Variants in SLC5A12 observed in about 807,000 individuals in gnomAD.
The protein encoded by SLC5A12 is solute carrier family 5 member 12, also known as sodium-coupled monocarboxylate transporter 2.
A neutral mutation model predicts 72.7 loss-of-function variants in SLC5A12; 46 were observed. The observed-to-expected ratio is 0.63, with a 90% confidence interval of 0.50 to 0.81. The LOEUF is 0.81. Ranked by LOEUF, SLC5A12 falls within the 30% of genes least tolerant of loss-of-function variation. The pLI is 0.00. For missense variants in SLC5A12, 683 were observed against 740.7 expected, an observed-to-expected ratio of 0.92 and a Z score of 0.90; for synonymous variants, 275 against 264.4, an observed-to-expected ratio of 1.04 and a Z score of -0.39.
chr11:26,672,655 A>T (rs1854170348), intron 14 of SLC5A12, among the ~76,000 whole-genome samples: 1 of 152,118 alleles, frequency 6.6e-6, no homozygotes, highest in Non-Finnish European at 1.5e-5. Context: ...GATTCCTCTG[A>T]AGTACCCCAC....
chr11:26,691,055 A>G (rs1854658532), intron 9 of SLC5A12, among the ~76,000 whole-genome samples: 1 of 152,090 alleles, frequency 6.6e-6, no homozygotes, highest in Non-Finnish European at 1.5e-5. Flanking sequence ...TCTACAATAG[A>G]CAGAGGACTT....
intron 14 of SLC5A12, among the ~76,000 whole-genome samples, chr11:26,671,489 G>C (rs150428575): frequency 2.6e-5 from 4 of 152,126 alleles, no homozygotes; most frequent in Admixed American, 2.6e-4. Flanking sequence ...AGTATGTCTC[G>C]TGTTGCATGA....
intron 10 of SLC5A12, among the ~76,000 whole-genome samples, chr11:26,685,924 T>C (rs757708514): frequency 1.3e-5 from 2 of 152,178 alleles, no homozygotes; most frequent in Non-Finnish European, 2.9e-5. Context: ...GCTTGGATGA[T>C]AGGTGGAGGT....
chr11:26,723,131 A>G (rs1327077279), upstream of SLC5A12, among the ~76,000 whole-genome samples: 1 of 152,142 alleles, frequency 6.6e-6, no homozygotes, highest in Non-Finnish European at 1.5e-5. Context: ...TAGAAAGGAG[A>G]AAACTAAAAT....
intron 4 of SLC5A12, among the ~76,000 whole-genome samples, chr11:26,705,453 C>T (rs1855061621): frequency 6.6e-6 from 1 of 152,040 alleles, no homozygotes; most frequent in Non-Finnish European, 1.5e-5. Context: ...TCCAGAGTGT[C>T]AAGAACTTTA....
At chr11:26,703,968 G>A (rs1273420061) in intron 4 of SLC5A12, 21 bp from the exon 5 acceptor site, 1 of 1,612,532 alleles carries the variant, frequency 6.2e-7, no homozygotes, top group East Asian at 2.2e-5. Context: ...GAGAATGTTT[G>A]AGTCCTTGAA....
chr11:26,680,086 G>C (rs1425090355), intron 12 of SLC5A12, among the ~76,000 whole-genome samples: 1 of 151,638 alleles, frequency 6.6e-6, no homozygotes, highest in South Asian at 2.1e-4. Flanking sequence ...CACATTATCT[G>C]GCCAGTTTGA....
chr11:26,686,735 G>C (rs1007602677), intron 9 of SLC5A12, among the ~76,000 whole-genome samples, 191 bp from the exon 10 acceptor site: 2 of 152,246 alleles, frequency 1.3e-5, no homozygotes, highest in East Asian at 1.9e-4. Context: ...CCAAGGAAAA[G>C]TTTCAATGAC....
intron 1 of SLC5A12, among the ~76,000 whole-genome samples, chr11:26,721,070 A>G (rs77950472): frequency 0.01 from 1,528 of 152,274 alleles, 33 homozygotes; most frequent in African/African-American, 0.034. Flanking sequence ...TCACAATAAT[A>G]AAAAATAACA....
At chr11:26,717,459 G>A (rs1855376748) in intron 1 of SLC5A12, among the ~76,000 whole-genome samples, 1 of 152,080 alleles carries the variant, frequency 6.6e-6, no homozygotes, top group Non-Finnish European at 1.5e-5. Flanking sequence ...ATAACAAACT[G>A]TACAATTGAG....
chr11:26,721,523 A>G lies in SLC5A12; in HGVS notation c.192T>C (p.Ala64=), dbSNP rs1466489802. 3.7e-6 allele frequency: 6 copies of G among 1,614,062 alleles called. No homozygotes were observed. Among genetic ancestry groups the G allele is most frequent in the African/African-American group, 1.3e-5 (1 of 74,936 alleles). The change falls in exon 1 of 15, where the codon GCT becomes GCC. Residue 64 remains alanine (A), a synonymous_variant. Transcript: ENST00000396005. ...GLSLTASFMS[A]VTVLGTPSEV... ...CAGAAGGGGTCCCCAGGACCGTGAC[A>G]GCTGACATGAAGCTGGCTGTCAGAG...
chr11:26,719,134 T>G (rs1855420182), intron 1 of SLC5A12, among the ~76,000 whole-genome samples: 1 of 152,204 alleles, frequency 6.6e-6, no homozygotes, highest in South Asian at 2.1e-4. Context: ...GCAGCACATA[T>G]GGAATAGACA....
chr11:26,712,034 C>T (rs1393691873), intron 2 of SLC5A12, among the ~76,000 whole-genome samples: 2 of 151,936 alleles, frequency 1.3e-5, no homozygotes, highest in Non-Finnish European at 2.9e-5. Context: ...ATTCTTCAGT[C>T]AGTGTGTGGG....
chr11:26,669,773 C>T lies in SLC5A12; in HGVS notation c.*1329G>A, dbSNP rs1305541387. On this transcript the variant is annotated 3_prime_UTR_variant, in exon 15 of 15. Transcript: ENST00000396005. ...TATTTAAAGACAACCTTTGGATTTCCTTATCCTTGCCTATTTGGACCATTT... is the reference window on the plus strand; with the variant it reads ...TATTTAAAGACAACCTTTGGATTTCTTTATCCTTGCCTATTTGGACCATTT... The T allele has an allele frequency of 6.6e-6, 1 of 151,990 alleles. No homozygotes were observed. The highest frequency in any genetic ancestry group is 1.5e-5 in the Non-Finnish European group (1 of 67,980). 9.4% of individuals were successfully genotyped at this position (151,990 alleles called of 1,614,324 possible). A position where few individuals can be genotyped will look rare whatever the true frequency, so the allele number is the denominator to read the frequency against.
chr11:26,669,217 T>TTCTTTCTTTCTTTCTTTCTC lies in SLC5A12; in HGVS notation c.*1884_*1885insGAGAAAGAAAGAAAGAAAGA, dbSNP rs1854081808. The stretch of plus-strand genomic sequence containing the variant: ...TTTCTTTCTTTCTTTCTTTCTTTCT[T>TTCTTTCTTTCTTTCTTTCTC]TCTCTCTCTCCCTCCCTCTTTCTTT... On this transcript the variant is annotated 3_prime_UTR_variant, in exon 15 of 15. Transcript: ENST00000396005. The TTCTTTCTTTCTTTCTTTCTC allele has an allele frequency of 1.5e-4, 12 of 81,614 alleles. No individual in the cohort carries two copies. The highest frequency in any genetic ancestry group is 5.0e-5 in the African/African-American group (1 of 20,186). 5.1% of individuals were successfully genotyped at this position (81,614 alleles called of 1,614,324 possible). A position where few individuals can be genotyped will look rare whatever the true frequency, so the allele number is the denominator to read the frequency against.
At position 26,703,634 on chromosome 11, in the gene SLC5A12, T is replaced by C; in HGVS notation, c.718A>G (p.Thr240Ala). Residue 240 changes from threonine (T) to alanine (A), a missense_variant, in exon 6 of 15, where the codon ACT becomes GCT. Thr to Ala is a moderately conservative substitution (Grantham distance 58). Transcript: ENST00000396005. Reference sequence around the variant, plus strand: ...GTAAAAGTTCCTCCCACTGTGATAGTCCAAAAAGTGTGTCGCCTGAGAGGA... The same window carrying C: ...GTAAAAGTTCCTCCCACTGTGATAGCCCAAAAAGTGTGTCGCCTGAGAGGA... Reference protein sequence around the residue: ...VDPLRRHTFWTITVGGTFTWL... With the variant: ...VDPLRRHTFWAITVGGTFTWL... 1.9e-6 allele frequency: 3 copies of C among 1,613,880 alleles called. No homozygotes were observed. The highest frequency in any genetic ancestry group is 2.5e-6 in the Non-Finnish European group (3 of 1,179,886).
chr11:26,681,317 T>C, intron 11 of SLC5A12, 96 bp from the exon 12 acceptor site: 1 of 1,065,480 alleles, frequency 9.4e-7, no homozygotes, highest in Non-Finnish European at 1.3e-6. Context: ...AGATTCTGGC[T>C]TTCCATCCCA....
rs1854074136 is a variant in SLC5A12, at chr11:26,669,187, T to TTTTTCTTTCTTTC, written c.*1914_*1915insGAAAGAAAGAAAA. On this transcript the variant is annotated 3_prime_UTR_variant, in exon 15 of 15. Transcript: ENST00000396005. Reference sequence around the variant, plus strand: ...TGTCTTTTTCTTTCTTTCTTTCTTCTTTTCTTTCTTTCTTTCTTTCTTTCT... The same window carrying TTTTTCTTTCTTTC: ...TGTCTTTTTCTTTCTTTCTTTCTTCTTTTTCTTTCTTTCTTTCTTTCTTTCTTTCTTTCTTTCT... The TTTTTCTTTCTTTC allele has an allele frequency of 3.0e-4, 33 of 111,000 alleles. No individual in the cohort carries two copies. The East Asian group carries it at 3.0e-3, about 10-fold the overall frequency. 6.9% of individuals were successfully genotyped at this position (111,000 alleles called of 1,614,324 possible).
intron 9 of SLC5A12, among the ~76,000 whole-genome samples, chr11:26,688,979 T>A (rs1420316212): frequency 6.6e-6 from 1 of 151,494 alleles, no homozygotes; most frequent in East Asian, 1.9e-4. Flanking sequence ...TAAAAAAAGA[T>A]CTGTGGTATA....
Sources: allele counts gnomAD v4.1 joint callset (sites outside exome capture counted in the v4.1 genomes callset), GRCh38; gene constraint gnomAD v4.1.1; transcripts MANE v1.5; gene names NCBI Gene and HGNC (gene_info 2026-07-23, HGNC 2026-07-21).